NRP1: variants seen among roughly 807,000 people sequenced by gnomAD.
NRP1 encodes the protein neuropilin-1.
NRP1 carries 35 observed loss-of-function variants against 106.7 expected under a neutral mutation model. The ratio of observed to expected loss-of-function variants is 0.33; its 90% CI spans 0.25 to 0.43. The LOEUF (loss-of-function observed/expected upper bound fraction) is 0.43. Among genes scored for constraint, NRP1 ranks in the 20% least tolerant of loss-of-function variants. The probability of loss-of-function intolerance (pLI) is 1.00; values close to 1 mark genes in which losing one functional copy is unlikely to be tolerated. For synonymous variants in NRP1, 437 were observed against 417.9 expected, an observed-to-expected ratio of 1.05 and a Z score of -0.56; for missense variants, 1,024 against 1,170.4, an observed-to-expected ratio of 0.87 and a Z score of 1.83.
intron 2 of NRP1, among the ~76,000 whole-genome samples, chr10:33,311,406 G>C (rs1846599575): frequency 6.6e-6 from 1 of 152,226 alleles, no homozygotes; most frequent in Non-Finnish European, 1.5e-5. Flanking sequence ...CTGCAAGCTG[G>C]AAAGGCATGG....
chr10:33,196,158 T>C, intron 12 of NRP1, among the ~76,000 whole-genome samples: 1 of 152,124 alleles, frequency 6.6e-6, no homozygotes, highest in East Asian at 1.9e-4. Context: ...ACACAGCTGT[T>C]GTTCACTTTT....
At chr10:33,334,165 T>C (rs1848467232) in intron 1 of NRP1, 145 bp downstream of exon 1, 1 of 703,534 alleles carries the variant, frequency 1.4e-6, no homozygotes, top group Non-Finnish European at 2.4e-6. Context: ...TCATTTCTTC[T>C]TCTCTCCTCC....
At chr10:33,279,101 C>T (rs80251945) in intron 2 of NRP1, among the ~76,000 whole-genome samples, 27 of 152,202 alleles carry the variant, frequency 1.8e-4, no homozygotes, top group Non-Finnish European at 3.7e-4. Flanking sequence ...TAGTCAAGGC[C>T]GACTTGGAAG....
At chr10:33,245,982 A>C (rs1588834041) in intron 6 of NRP1, among the ~76,000 whole-genome samples, 1 of 152,340 alleles carries the variant, frequency 6.6e-6, no homozygotes, top group East Asian at 1.9e-4. Flanking sequence ...ATGCTTCATC[A>C]TCAAAATCTA....
At chr10:33,242,314 G>T (rs181729414) in intron 6 of NRP1, among the ~76,000 whole-genome samples, 1 of 152,216 alleles carries the variant, frequency 6.6e-6, no homozygotes, top group Admixed American at 6.5e-5. Flanking sequence ...ATGAATTCTT[G>T]CCATTTTATA....
Position 33,334,508 on chromosome 10 carries a change from C to T in NRP1, c.-126G>A. ...GCCTAGAGCTGTACAATCCTCAGCC[C>T]GTCTTGGAGAAAAGAAAGCAGCGAG... is the stretch of plus-strand genomic sequence containing the variant. On this transcript the variant is annotated 5_prime_UTR_variant, in exon 1 of 17. Coordinates refer to ENST00000374867, the MANE Select transcript of NRP1 (RefSeq NM_003873.7). The T allele has an allele frequency of 2.6e-6, 2 of 774,192 alleles. No homozygotes were observed. Among genetic ancestry groups the T allele is most frequent in the South Asian group, 1.7e-5 (1 of 58,044 alleles). The allele number at this position is 774,192 out of a possible 1,614,324, so 48.0% of individuals were successfully genotyped here. A position where few individuals can be genotyped will look rare whatever the true frequency, so the allele number is the denominator to read the frequency against.
intron 6 of NRP1, among the ~76,000 whole-genome samples, chr10:33,235,208 C>T (rs935397949): frequency 3.9e-5 from 6 of 152,202 alleles, no homozygotes; most frequent in Non-Finnish European, 7.3e-5. Context: ...GTAAAATCTG[C>T]TGTAGTTGTT....
chr10:33,334,635 C>T lies in NRP1; in HGVS notation c.-253G>A. The T allele has an allele frequency of 5.0e-6, 1 of 200,122 alleles. No individual in the cohort carries two copies. The highest frequency in any genetic ancestry group is 9.8e-6 in the Non-Finnish European group (1 of 102,320). The allele number at this position is 200,122 out of a possible 1,614,324, so 12.4% of individuals were successfully genotyped here. A position where few individuals can be genotyped will look rare whatever the true frequency, so the allele number is the denominator to read the frequency against. Reference sequence around the variant, plus strand: ...TCCTCTCCCTTTTCCCACACTTGTTCCTCTTCCAGGAGCCACTGCCCGGGC... The same window carrying T: ...TCCTCTCCCTTTTCCCACACTTGTTTCTCTTCCAGGAGCCACTGCCCGGGC... On this transcript the variant is annotated 5_prime_UTR_variant, in exon 1 of 17. Transcript: ENST00000374867.
At chr10:33,239,665 T>A (rs957366146) in intron 6 of NRP1, among the ~76,000 whole-genome samples, 1 of 152,248 alleles carries the variant, frequency 6.6e-6, no homozygotes, top group Non-Finnish European at 1.5e-5. Flanking sequence ...CCTTTTTATT[T>A]ATTTCTCAAA....
chr10:33,297,754 G>T (rs1845517561), intron 2 of NRP1, among the ~76,000 whole-genome samples: 1 of 151,618 alleles, frequency 6.6e-6, no homozygotes. Context: ...ACACTTTGAG[G>T]TTTAAAGGCA....
chr10:33,308,907 T>A (rs940844724), intron 2 of NRP1, among the ~76,000 whole-genome samples: 2 of 152,166 alleles, frequency 1.3e-5, no homozygotes, highest in African/African-American at 4.8e-5. Context: ...GAAAAATAAA[T>A]ATACATGCCT....
intron 6 of NRP1, among the ~76,000 whole-genome samples, chr10:33,248,276 C>G (rs899036003): frequency 2.0e-5 from 3 of 151,994 alleles, no homozygotes; most frequent in Admixed American, 2.0e-4. Flanking sequence ...GGCAACAGAG[C>G]GAGACTCTGT....
intron 2 of NRP1, among the ~76,000 whole-genome samples, chr10:33,305,627 G>A (rs1846095917): frequency 6.6e-6 from 1 of 151,988 alleles, no homozygotes; most frequent in African/African-American, 2.4e-5. Flanking sequence ...ATCAACTAGA[G>A]AGGTCAGATT....
At chr10:33,187,351 T>G (rs569451211) in intron 13 of NRP1, among the ~76,000 whole-genome samples, 122 of 152,344 alleles carry the variant, frequency 8.0e-4, no homozygotes, top group Admixed American at 4.1e-3. Flanking sequence ...TTTTTCCTAA[T>G]AATGTAGTAA....
chr10:33,243,411 A>T (rs921904170), intron 6 of NRP1, among the ~76,000 whole-genome samples: 2 of 152,198 alleles, frequency 1.3e-5, no homozygotes, highest in Admixed American at 6.5e-5. Context: ...TGCTTGAAAC[A>T]ACCCAAGCAC....
chr10:33,285,616 G>A (rs1844469811), intron 2 of NRP1, among the ~76,000 whole-genome samples: 1 of 152,100 alleles, frequency 6.6e-6, no homozygotes, highest in South Asian at 2.1e-4. Context: ...GATCACCTGA[G>A]GTCAGGAGTT....
chr10:33,247,589 C>T (rs992243899), intron 6 of NRP1, among the ~76,000 whole-genome samples: 3 of 152,192 alleles, frequency 2.0e-5, no homozygotes, highest in African/African-American at 4.8e-5. Context: ...GGCCTGATGC[C>T]AGGATTAGTT....
At chr10:33,267,599 G>A (rs1049363794) in intron 3 of NRP1, among the ~76,000 whole-genome samples, 11 of 146,570 alleles carry the variant, frequency 7.5e-5, no homozygotes, top group East Asian at 2.1e-4. Flanking sequence ...CCCGTCCCCC[G>A]TCCCCCTTGC....
intron 7 of NRP1, among the ~76,000 whole-genome samples, chr10:33,223,281 T>C (rs1839401489): frequency 6.6e-6 from 1 of 152,194 alleles, no homozygotes; most frequent in African/African-American, 2.4e-5. Flanking sequence ...TTTCACTTTA[T>C]TGAATTTAAG....
Sources: allele counts gnomAD v4.1 joint callset (sites outside exome capture counted in the v4.1 genomes callset), GRCh38; gene constraint gnomAD v4.1.1; transcripts MANE v1.5; gene names NCBI Gene and HGNC (gene_info 2026-07-23, HGNC 2026-07-21).